Variants in RYR2 observed in about 807,000 individuals in gnomAD.
The protein encoded by RYR2 is ryanodine receptor 2, also known as cardiac muscle ryanodine receptor-calcium release channel.
In RYR2, 227 loss-of-function variants were observed where a neutral mutation model predicts 601.1. That is an observed-to-expected ratio of 0.38 (90% CI 0.34 to 0.42). The LOEUF (loss-of-function observed/expected upper bound fraction) is 0.42, where lower values mean the gene tolerates loss of function less well. RYR2 is among the 10% of genes least tolerant of loss of function. The pLI, the probability that RYR2 is intolerant of heterozygous loss-of-function variation, is 1.00. For synonymous variants in RYR2, 2,223 were observed against 2,175.1 expected (o/e 1.02, Z -0.61); for missense variants, 4,646 against 6,156.5 (o/e 0.75, Z 8.21).
At chr1:237,575,713 A>C (rs962900278) in intron 29 of RYR2, among the ~76,000 whole-genome samples, 1 of 152,256 alleles carries the variant, frequency 6.6e-6, no homozygotes, top group South Asian at 2.1e-4. Flanking sequence ...CAGAGCACTT[A>C]TAAAACCTTT....
intron 35 of RYR2, among the ~76,000 whole-genome samples, chr1:237,609,355 C>G (rs1393167642): frequency 1.4e-5 from 2 of 142,212 alleles, no homozygotes; most frequent in Non-Finnish European, 3.1e-5. Context: ...TCCCTCCCCC[C>G]TTCTCCCCTT....
chr1:237,709,248 T>A, intron 69 of RYR2, 150 bp downstream of exon 69: 2 of 817,816 alleles, frequency 2.4e-6, no homozygotes, highest in Non-Finnish European at 3.7e-6. Context: ...ATTTTTGGCT[T>A]AAAATTAAAA....
intron 14 of RYR2, among the ~76,000 whole-genome samples, chr1:237,452,174 G>A (rs953867832): frequency 2.7e-5 from 4 of 147,062 alleles, no homozygotes; most frequent in African/African-American, 7.5e-5. Flanking sequence ...GTGTGTATAC[G>A]TGGAAGTGTT....
Position 237,601,505 on chromosome 1 carries a change from G to A in RYR2, c.4597-520G>A, listed in dbSNP as rs143534885. ...TTAACATTAGAAAGGAAGAATAAGC[G>A]CTGGTGTCCTATTGGACAGTAGGGT... On this transcript the variant is annotated intron_variant, in intron 34 of 104. Coordinates refer to ENST00000366574, the MANE Select transcript of RYR2 (RefSeq NM_001035.3). Among the ~76,000 whole-genome samples the A allele has an allele frequency of 6.1e-3, 930 of 152,144 alleles. 9 individuals are homozygous for A. Among genetic ancestry groups the A allele is most frequent in the African/African-American group, 0.02 (814 of 41,518 alleles).
At chr1:237,664,352 A>G (rs1684091940) in intron 56 of RYR2, among the ~76,000 whole-genome samples, 1 of 152,168 alleles carries the variant, frequency 6.6e-6, no homozygotes, top group South Asian at 2.1e-4. Flanking sequence ...ATGGAAAAAA[A>G]TCTCTGCTGT....
rs900197205 is a variant in RYR2, at chr1:237,428,144, T to C, written c.1005+4896T>C. 8.5e-5 allele frequency among the ~76,000 whole-genome samples: 13 copies of C among 152,178 alleles called. No individual in the cohort carries two copies. The East Asian group carries it at 2.1e-3, about 25-fold the overall frequency. On this transcript the variant is annotated intron_variant, in intron 12 of 104. Transcript: ENST00000366574. ...GTGGAGAAACAGGAACGCTTTTACA[T>C]TGTTGTTGGGAATATAAATTAGCTC...
chr1:237,310,118 G>T (rs548258233), intron 2 of RYR2, among the ~76,000 whole-genome samples: 9 of 152,342 alleles, frequency 5.9e-5, no homozygotes, highest in Admixed American at 5.9e-4. Context: ...TGCCGAGGCC[G>T]AGGAGGTGCT....
chr1:237,548,444 A>T lies in RYR2; in HGVS notation c.2920A>T (p.Ser974Cys), dbSNP rs1670045546. The T allele has an allele frequency of 6.2e-7, 1 of 1,613,836 alleles. No homozygotes were observed. The highest frequency in any genetic ancestry group is 8.5e-7 in the Non-Finnish European group (1 of 1,179,846). Reference protein sequence around the residue: ...MKLPKNYQLTSGYKPAPMDLS... With the variant: ...MKLPKNYQLTCGYKPAPMDLS... ...TCTGATTTGTAGTTACCAGCTGACA[A>T]GTGGATACAAGCCTGCCCCTATGGA... The change falls in exon 26 of 105, where the codon AGT (serine) becomes TGT (cysteine). Residue 974 changes from serine (S) to cysteine (C), a missense_variant. Transcript: ENST00000366574.
intron 48 of RYR2, among the ~76,000 whole-genome samples, chr1:237,645,289 T>G (rs748275385): frequency 6.6e-6 from 1 of 152,208 alleles, no homozygotes; most frequent in Non-Finnish European, 1.5e-5. Flanking sequence ...ACGCCCATTA[T>G]AGCTTTAGGC....
intron 87 of RYR2, among the ~76,000 whole-genome samples, chr1:237,778,312 A>G (rs1694820397): frequency 6.6e-6 from 1 of 151,936 alleles, no homozygotes; most frequent in Non-Finnish European, 1.5e-5. Context: ...AATACAAAAT[A>G]GTGACTATTG....
At chr1:237,099,488 T>C (rs1367438336) in intron 1 of RYR2, among the ~76,000 whole-genome samples, 1 of 152,152 alleles carries the variant, frequency 6.6e-6, no homozygotes, top group East Asian at 1.9e-4. Context: ...TCCTCCCACC[T>C]TGGCCTCCCG....
chr1:237,112,058 G>C (rs1441784354), intron 1 of RYR2, among the ~76,000 whole-genome samples: 3 of 152,142 alleles, frequency 2.0e-5, no homozygotes, highest in Non-Finnish European at 4.4e-5. Context: ...TATGCAAATA[G>C]AGGAGAGTAG....
At chr1:237,808,301 T>G (rs887641913) in intron 99 of RYR2, among the ~76,000 whole-genome samples, 5 of 152,276 alleles carry the variant, frequency 3.3e-5, no homozygotes. Flanking sequence ...TAAAAATAAT[T>G]TACAGTCATA....
At chr1:237,060,679 C>G (rs12090226) in intron 1 of RYR2, among the ~76,000 whole-genome samples, 31,124 of 152,060 alleles carry the variant, frequency 0.2, 3,309 homozygotes, top group African/African-American at 0.25. Context: ...AATATGCACT[C>G]TTTTGTGTCT....
intron 10 of RYR2, among the ~76,000 whole-genome samples, chr1:237,404,121 G>T (rs1703649388): frequency 6.6e-6 from 1 of 152,148 alleles, no homozygotes; most frequent in Non-Finnish European, 1.5e-5. Context: ...AGGCCTGGTG[G>T]CATGCACCTG....
intron 35 of RYR2, among the ~76,000 whole-genome samples, chr1:237,606,504 G>T (rs186920687): frequency 5.9e-5 from 9 of 152,184 alleles, no homozygotes; most frequent in African/African-American, 2.2e-4. Flanking sequence ...GGACATAGGC[G>T]TGGGCAAGGA....
chr1:237,512,588 G>C (rs1223351484), intron 24 of RYR2, among the ~76,000 whole-genome samples: 2 of 152,162 alleles, frequency 1.3e-5, no homozygotes, highest in African/African-American at 4.8e-5. Context: ...AGGAGCCAAA[G>C]TCAGCTGGGC....
intron 63 of RYR2, among the ~76,000 whole-genome samples, chr1:237,687,793 A>G (rs1487717258): frequency 3.9e-5 from 6 of 152,242 alleles, no homozygotes; most frequent in Non-Finnish European, 7.3e-5. Flanking sequence ...ATTTTATCTC[A>G]GGGGTAAAAA....
At chr1:237,684,712 C>T (rs1686211026) in intron 62 of RYR2, among the ~76,000 whole-genome samples, 1 of 151,694 alleles carries the variant, frequency 6.6e-6, no homozygotes, top group Non-Finnish European at 1.5e-5. Context: ...GAAATATTAG[C>T]ATGTGGGGTT....
Sources: allele counts gnomAD v4.1 joint callset (sites outside exome capture counted in the v4.1 genomes callset), GRCh38; gene constraint gnomAD v4.1.1; transcripts MANE v1.5; gene names NCBI Gene and HGNC (gene_info 2026-07-23, HGNC 2026-07-21).